Variants in HEMK2 observed in about 807,000 individuals in gnomAD.
HEMK2 encodes methyltransferase HEMK2.
chr21:28,866,147 A>AG, the HEMK2 span, among the ~76,000 whole-genome samples: 1 of 74,960 alleles, frequency 1.3e-5, no homozygotes, highest in Non-Finnish European at 2.9e-5. Context: ...CTGTCTCTAC[A>AG]GAAAAAACAA....
the HEMK2 span, among the ~76,000 whole-genome samples, chr21:28,869,318 T>C: frequency 5.9e-5 from 9 of 152,248 alleles, no homozygotes; most frequent in African/African-American, 2.2e-4. Context: ...TAAACTCAAC[T>C]TGGTCACAGT....
At chr21:28,772,742 C>T in the HEMK2 span, among the ~76,000 whole-genome samples, 1 of 152,126 alleles carries the variant, frequency 6.6e-6, no homozygotes, top group Non-Finnish European at 1.5e-5. Flanking sequence ...GTTCCTGACT[C>T]CCACATCAGC....
At chr21:28,755,413 A>T in the HEMK2 span, among the ~76,000 whole-genome samples, 181 of 152,262 alleles carry the variant, frequency 1.2e-3, 1 homozygote, top group Admixed American at 2.0e-3. Flanking sequence ...TCAGCAACTG[A>T]TGTACTCTTT....
chr21:28,672,973 AT>A, the HEMK2 span, among the ~76,000 whole-genome samples: 655 of 149,966 alleles, frequency 4.4e-3, 4 homozygotes, highest in African/African-American at 0.016. Context: ...AAGAAAAAAA[AT>A]AAAAAAAGAG....
At chr21:28,726,869 T>TAAAAAAAA in the HEMK2 span, among the ~76,000 whole-genome samples, 45 of 130,292 alleles carry the variant, frequency 3.5e-4, no homozygotes, top group African/African-American at 1.2e-3. Context: ...GGACCCTATC[T>TAAAAAAAA]AAAAAAAAAA....
the HEMK2 span, among the ~76,000 whole-genome samples, chr21:28,669,812 A>G: frequency 1.3e-5 from 2 of 152,186 alleles, no homozygotes. Flanking sequence ...GTGACTTGTC[A>G]CTCAGCAAAA....
At chr21:28,876,197 T>C in the HEMK2 span, 16 of 404,776 alleles carry the variant, frequency 4.0e-5, no homozygotes, top group Non-Finnish European at 3.9e-5. Context: ...ACTATAAATA[T>C]AATACACATA....
chr21:28,737,368 G>A, the HEMK2 span, among the ~76,000 whole-genome samples: 3 of 152,122 alleles, frequency 2.0e-5, no homozygotes, highest in Non-Finnish European at 4.4e-5. Context: ...CAAGTGATCT[G>A]CCCACCTCAG....
At chr21:28,676,022 A>G in the HEMK2 span, among the ~76,000 whole-genome samples, 3 of 152,304 alleles carry the variant, frequency 2.0e-5, no homozygotes, top group Non-Finnish European at 4.4e-5. Flanking sequence ...CTTAACCCCA[A>G]TTCCACTGTC....
chr21:28,588,999 G>T, the HEMK2 span, among the ~76,000 whole-genome samples: 1 of 126,532 alleles, frequency 7.9e-6, no homozygotes, highest in African/African-American at 3.1e-5. Context: ...AAAAAAAAAA[G>T]AGTTATTGAG....
chr21:28,640,934 C>A, the HEMK2 span, among the ~76,000 whole-genome samples: 1 of 152,240 alleles, frequency 6.6e-6, no homozygotes, highest in East Asian at 1.9e-4. Flanking sequence ...GTGAAGACAC[C>A]CTTTGACACT....
At chr21:28,772,128 C>A in the HEMK2 span, among the ~76,000 whole-genome samples, 1 of 152,064 alleles carries the variant, frequency 6.6e-6, no homozygotes, top group African/African-American at 2.4e-5. Flanking sequence ...GAAAATGCAT[C>A]GTCTGTGGTT....
the HEMK2 span, among the ~76,000 whole-genome samples, chr21:28,754,247 A>G: frequency 1.3e-5 from 2 of 152,228 alleles, no homozygotes; most frequent in Admixed American, 6.5e-5. Context: ...TGGAAATTCA[A>G]TCGGTACCAG....
At chr21:28,704,198 T>C in the HEMK2 span, among the ~76,000 whole-genome samples, 1 of 152,128 alleles carries the variant, frequency 6.6e-6, no homozygotes, top group Non-Finnish European at 1.5e-5. Context: ...AAGCCAGAGG[T>C]AGTTCAAAAT....
the HEMK2 span, among the ~76,000 whole-genome samples, chr21:28,613,406 T>C: frequency 3.9e-4 from 60 of 151,962 alleles, 1 homozygote; most frequent in Non-Finnish European, 6.0e-4. Flanking sequence ...AAAAGCTTAG[T>C]CAAAATAAAG....
chr21:28,741,446 T>C, the HEMK2 span, among the ~76,000 whole-genome samples: 13 of 152,202 alleles, frequency 8.5e-5, no homozygotes, highest in African/African-American at 1.9e-4. Context: ...GTTTGTTACA[T>C]AGGTAAACTT....
At chr21:28,875,818 T>C in the HEMK2 span, 1 of 152,264 alleles carries the variant, frequency 6.6e-6, no homozygotes, top group African/African-American at 2.4e-5. Context: ...TAGAAGGCCC[T>C]TGAATTGTAG....
At chr21:28,775,599 T>C in the HEMK2 span, among the ~76,000 whole-genome samples, 3 of 152,106 alleles carry the variant, frequency 2.0e-5, no homozygotes, top group Non-Finnish European at 4.4e-5. Context: ...AAACCCAGAA[T>C]GAGGCTCCAT....
the HEMK2 span, among the ~76,000 whole-genome samples, chr21:28,621,719 G>A: frequency 6.6e-6 from 1 of 152,180 alleles, no homozygotes; most frequent in African/African-American, 2.4e-5. Flanking sequence ...CTTAAGGGTG[G>A]GAGAGATTAC....
Sources: allele counts gnomAD v4.1 joint callset (sites outside exome capture counted in the v4.1 genomes callset), GRCh38; gene constraint gnomAD v4.1.1; transcripts MANE v1.5; gene names NCBI Gene and HGNC (gene_info 2026-07-23, HGNC 2026-07-21).